The following ATP2A2 variants were observed in gnomAD, a reference collection of about 807,000 sequenced individuals.
ATP2A2 encodes the protein ATPase sarcoplasmic/endoplasmic reticulum Ca2+ transporting 2.
Under a neutral mutation model 109.3 loss-of-function variants are expected in ATP2A2, and 14 were observed. The observed-to-expected ratio is 0.13, with a 90% CI of 0.08 to 0.20. ATP2A2 has a LOEUF of 0.20. ATP2A2 is among the 10% of genes least tolerant of loss of function. The probability of loss-of-function intolerance (pLI) is 1.00; values close to 1 mark genes in which losing one functional copy is unlikely to be tolerated. For synonymous variants in ATP2A2, 506 were observed against 490.9 expected (o/e 1.03, Z -0.41); for missense variants, 657 against 1,321.6 (o/e 0.50, Z 7.80).
intron 8 of ATP2A2, chr12:110,330,069 AAC>A (rs1382855962): frequency 6.6e-6 from 1 of 152,270 alleles, no homozygotes; most frequent in Non-Finnish European, 1.5e-5. Context: ...TTTATTTAGT[AAC>A]ACAGTGTTAC....
intron 5 of ATP2A2, among the ~76,000 whole-genome samples, chr12:110,311,595 CAA>C (rs67023919): frequency 0.031 from 775 of 25,206 alleles, 12 homozygotes; most frequent in Admixed American, 0.046. Context: ...GACTCCATCT[CAA>C]AAAAAAAAAA....
At position 110,347,211 on chromosome 12, in the gene ATP2A2, TA is replaced by T. The variant is rs1879961041; in HGVS notation, c.*744del. ...CACATAGTTTTTAAGGTTATTTATTTAAATGTCTAATGTATTTTATTGTAAC... is the reference window on the plus strand; with the variant it reads ...CACATAGTTTTTAAGGTTATTTATTTAATGTCTAATGTATTTTATTGTAAC... On this transcript the variant is annotated 3_prime_UTR_variant, in exon 20 of 20. Transcript: ENST00000539276. 8.4e-7 allele frequency: 1 copy of T among 1,193,790 alleles called. No individual in the cohort carries two copies. The allele number at this position is 1,193,790 out of a possible 1,614,324, so 73.9% of individuals were successfully genotyped here. A position where few individuals can be genotyped will look rare whatever the true frequency, so the allele number is the denominator to read the frequency against.
At chr12:110,304,876 G>T (rs1001533341) in intron 5 of ATP2A2, among the ~76,000 whole-genome samples, 3 of 152,074 alleles carry the variant, frequency 2.0e-5, no homozygotes, top group African/African-American at 7.2e-5. Context: ...TCCAGGCGTC[G>T]TGGCTCATAC....
At chr12:110,313,474 G>A (rs190370744) in intron 5 of ATP2A2, among the ~76,000 whole-genome samples, 348 of 151,546 alleles carry the variant, frequency 2.3e-3, no homozygotes, top group Non-Finnish European at 3.9e-3. Flanking sequence ...CACAATGTCC[G>A]GCTAATTTTT....
In ATP2A2 at chr12:110,346,394, T is replaced by C. The variant is rs1358467476; in HGVS notation, c.3053T>C (p.Phe1018Ser). The change falls in exon 20 of 20, where the codon TTT (phenylalanine) becomes TCT (serine). Residue 1018 changes from phenylalanine (F) to serine (S), a missense_variant. Phe to Ser is a radical substitution (Grantham distance 155, BLOSUM62 -2). Around this residue, in one of 9 missense-constraint regions of ATP2A2, gnomAD observed 53 missense variants for 61.2 expected, o/e 0.87. Coordinates refer to ENST00000539276, the MANE Select transcript of ATP2A2 (RefSeq NM_170665.4). ...SACTDGISWP[F>S]VLLIMPLVIW... ...TGCACCGATGGGATTTCCTGGCCGT[T>C]TGTGCTGCTCATAATGCCCCTGGTG... 1 of 1,614,104 alleles carries C rather than the reference T, an allele frequency of 6.2e-7. No homozygotes were observed. Among genetic ancestry groups the C allele is most frequent in the Admixed American group, 1.7e-5 (1 of 60,004 alleles).
At position 110,281,766 on chromosome 12, in the gene ATP2A2, G is replaced by T; in HGVS notation, c.-24G>T. The T allele has an allele frequency of 6.8e-7, 1 of 1,464,738 alleles. No homozygotes were observed. 90.7% of individuals were successfully genotyped at this position (1,464,738 alleles called of 1,614,324 possible). ...CGAGGAGGCCGCGGGGACGGGAGGCGAGGCCGGCCGGGCCCCCGAAGCCAT... is the reference window on the plus strand; with the variant it reads ...CGAGGAGGCCGCGGGGACGGGAGGCTAGGCCGGCCGGGCCCCCGAAGCCAT... On this transcript the variant is annotated 5_prime_UTR_variant, in exon 1 of 20. Transcript: ENST00000539276.
At chr12:110,297,099 G>T (rs1874037997) in intron 5 of ATP2A2, among the ~76,000 whole-genome samples, 1 of 152,098 alleles carries the variant, frequency 6.6e-6, no homozygotes, top group Admixed American at 6.6e-5. Flanking sequence ...TTCCTGTTTT[G>T]TTTCTTGGCA....
chr12:110,337,237 C>T (rs1381965869), intron 11 of ATP2A2, among the ~76,000 whole-genome samples: 1 of 152,164 alleles, frequency 6.6e-6, no homozygotes, highest in Non-Finnish European at 1.5e-5. Context: ...CTTGAGACAG[C>T]AGGAACCCAT....
At chr12:110,286,928 GAACGTGCTTT>G (rs2137686083) in intron 3 of ATP2A2, among the ~76,000 whole-genome samples, 1 of 152,202 alleles carries the variant, frequency 6.6e-6, no homozygotes, top group Non-Finnish European at 1.5e-5. Context: ...GTTTACAGCA[GAACGTGCTTT>G]TTACCTTGGA....
In ATP2A2 at chr12:110,350,304, A is replaced by G; in HGVS notation, c.*3834A>G. The G allele has an allele frequency of 6.2e-7, 1 of 1,614,228 alleles. No individual in the cohort carries two copies. The highest frequency in any genetic ancestry group is 1.3e-5 in the African/African-American group (1 of 75,054). On this transcript the variant is annotated 3_prime_UTR_variant, in exon 20 of 20. Transcript: ENST00000539276. The stretch of plus-strand genomic sequence containing the variant: ...CTTTCCTTTTCAGCAATACTGGAGT[A>G]ACCGCTTCCTAAACCATTTTGCAGA...
At chr12:110,320,050 A>G (rs1430916868) in intron 5 of ATP2A2, among the ~76,000 whole-genome samples, 1 of 152,202 alleles carries the variant, frequency 6.6e-6, no homozygotes, top group Non-Finnish European at 1.5e-5. Flanking sequence ...TCAACCTGTA[A>G]TATGTTGGCA....
At position 110,347,572 on chromosome 12, in the gene ATP2A2, GTGTGTA is replaced by G; in HGVS notation, c.*1108_*1113del. 1 of 1,252,868 alleles carries G rather than the reference GTGTGTA, an allele frequency of 8.0e-7. No individual in the cohort carries two copies. Among genetic ancestry groups the G allele is most frequent in the Non-Finnish European group, 1.0e-6 (1 of 967,642 alleles). 77.6% of individuals were successfully genotyped at this position (1,252,868 alleles called of 1,614,324 possible). The stretch of plus-strand genomic sequence containing the variant: ...AGAACATAAGGGCAAGTGTGTATGT[GTGTGTA>G]TGTGTGTGTTTTGTAAAATCTGTAA... On this transcript the variant is annotated 3_prime_UTR_variant, in exon 20 of 20. Coordinates refer to ENST00000539276, the MANE Select transcript of ATP2A2 (RefSeq NM_170665.4).
chr12:110,298,814 G>A (rs117422279), intron 5 of ATP2A2, among the ~76,000 whole-genome samples: 1 of 152,144 alleles, frequency 6.6e-6, no homozygotes, highest in African/African-American at 2.4e-5. Context: ...ATGAACTGTT[G>A]AAGGGTATAT....
At chr12:110,337,721 T>C (rs1015859104) in intron 11 of ATP2A2, among the ~76,000 whole-genome samples, 1 of 152,166 alleles carries the variant, frequency 6.6e-6, no homozygotes, top group Non-Finnish European at 1.5e-5. Flanking sequence ...TTAACCAAAT[T>C]AAGGTGGAAA....
rs1286672246 is a variant in ATP2A2, at chr12:110,346,745, T to A, written c.*275T>A. 43 of 1,280,884 alleles carry A rather than the reference T, an allele frequency of 3.4e-5. No individual in the cohort carries two copies. Among genetic ancestry groups the A allele is most frequent in the Non-Finnish European group, 4.3e-5 (43 of 1,009,842 alleles). 79.3% of individuals were successfully genotyped at this position (1,280,884 alleles called of 1,614,324 possible). ...ATGAAAAAGCATGTACAGTGTTCTG[T>A]TTAATACTCATCCTTGTATAAAAAA... On this transcript the variant is annotated 3_prime_UTR_variant, in exon 20 of 20. Transcript: ENST00000539276.
rs1877948501 is a variant in ATP2A2 at position 110,327,759 on chromosome 12, C to T, written c.837C>T (p.Phe279=). The change falls in exon 8 of 20, where the codon TTC becomes TTT. Residue 279 remains phenylalanine, a synonymous_variant. Transcript: ENST00000539276. This position sits in a 1 kb window ranked among gnomAD's most constrained non-coding sequence, Gnocchi z 4.4. ...TCTGGATCATAAATATTGGGCACTTCAATGACCCGGTTCATGGAGGGTCCT... is the reference window on the plus strand; with the variant it reads ...TCTGGATCATAAATATTGGGCACTTTAATGACCCGGTTCATGGAGGGTCCT... ...IAVWIINIGH[F]NDPVHGGSWI... 1.2e-6 allele frequency: 2 copies of T among 1,614,158 alleles called. No individual in the cohort carries two copies. The highest frequency in any genetic ancestry group is 1.7e-6 in the Non-Finnish European group (2 of 1,180,022).
rs1286588380 is a variant in ATP2A2 at position 110,327,409 on chromosome 12, G to T, written c.631-144G>T. ...TGGAGCATTGCTTGTTGTCACAGTT[G>T]TATGGCTGGTTGCTTGAACAGTAGC... On this transcript the variant is annotated intron_variant, in intron 7 of 19. Coordinates refer to ENST00000539276, the MANE Select transcript of ATP2A2 (RefSeq NM_170665.4). The surrounding 1 kb of genome is among the most constrained non-coding windows in gnomAD (Gnocchi z 4.4). 1.5e-5 allele frequency: 12 copies of T among 802,850 alleles called. No homozygotes were observed. In the African/African-American group the frequency reaches 2.0e-4, roughly 13 times the overall value. 49.7% of individuals were successfully genotyped at this position (802,850 alleles called of 1,614,324 possible). A position where few individuals can be genotyped will look rare whatever the true frequency, so the allele number is the denominator to read the frequency against.
chr12:110,344,082 G>C (rs1470285199), intron 16 of ATP2A2, among the ~76,000 whole-genome samples: 1 of 152,184 alleles, frequency 6.6e-6, no homozygotes, highest in African/African-American at 2.4e-5. Context: ...CTTCCGGAGA[G>C]ATTCCAGCAT....
chr12:110,331,432 C>A (rs1878327982), intron 8 of ATP2A2: 1 of 152,086 alleles, frequency 6.6e-6, no homozygotes, highest in Non-Finnish European at 1.5e-5. Flanking sequence ...CCTCTGCCTC[C>A]CGGGTTCAAG....
Sources: gnomAD v4.1 joint callset for allele counts (sites outside exome capture counted in the v4.1 genomes callset) on GRCh38, gnomAD v4.1.1 for gene constraint, gnomAD v4.1.1 regional missense constraint, Gnocchi (gnomAD v3.1) non-coding constraint, MANE v1.5 for transcripts, NCBI Gene and HGNC (gene_info 2026-07-23, HGNC 2026-07-21) for gene names.